Variants in STK31 observed in about 807,000 individuals in gnomAD.
STK31 encodes the protein serine/threonine kinase 31.
STK31 carries 89 observed loss-of-function variants against 129.7 expected under a neutral mutation model. The observed-to-expected ratio is 0.69, with a 90% CI of 0.58 to 0.82. The LOEUF (loss-of-function observed/expected upper bound fraction) is 0.82. Ranked by LOEUF, STK31 falls within the 40% of genes least tolerant of loss-of-function variation. The pLI, the probability that STK31 is intolerant of heterozygous loss-of-function variation, is 0.00. For synonymous variants in STK31, 448 were observed against 395.3 expected, an observed-to-expected ratio of 1.13 and a Z score of -1.58; for missense variants, 1,187 against 1,176.4, an observed-to-expected ratio of 1.01 and a Z score of -0.13.
chr7:23,826,577 T>G (rs1794166581), intron 23 of STK31, among the ~76,000 whole-genome samples: 1 of 152,214 alleles, frequency 6.6e-6, no homozygotes, highest in Admixed American at 6.5e-5. Context: ...GCCTTTTAAT[T>G]GAAGCATTTA....
At chr7:23,759,971 GC>G (rs1417955741) in intron 10 of STK31, among the ~76,000 whole-genome samples, 2 of 152,136 alleles carry the variant, frequency 1.3e-5, no homozygotes, top group East Asian at 3.8e-4. Flanking sequence ...TGTGTTTTAT[GC>G]ATGTAAGACT....
chr7:23,733,539 T>G (rs1455088699), intron 6 of STK31, among the ~76,000 whole-genome samples: 1 of 152,024 alleles, frequency 6.6e-6, no homozygotes, highest in Non-Finnish European at 1.5e-5. Flanking sequence ...CTGGGTGCGG[T>G]GTCTCACGCC....
chr7:23,812,347 CTG>C (rs1793188337), intron 22 of STK31, among the ~76,000 whole-genome samples: 1 of 145,940 alleles, frequency 6.9e-6, no homozygotes, highest in African/African-American at 2.5e-5. Context: ...TTTTATTTCT[CTG>C]TGGTTGCTTT....
intron 10 of STK31, among the ~76,000 whole-genome samples, chr7:23,756,469 A>G (rs1789091625): frequency 1.3e-5 from 2 of 152,092 alleles, no homozygotes; most frequent in African/African-American, 2.4e-5. Flanking sequence ...CTCTCTTCCT[A>G]TTTGAATACC....
chr7:23,750,275 A>G (rs982769355), intron 8 of STK31, among the ~76,000 whole-genome samples: 3 of 152,052 alleles, frequency 2.0e-5, no homozygotes, highest in Admixed American at 2.0e-4. Flanking sequence ...AGGTTTTCCT[A>G]TCTAGGCACT....
chr7:23,725,969 G>T (rs2128070890), intron 4 of STK31: 1 of 152,292 alleles, frequency 6.6e-6, no homozygotes, highest in African/African-American at 2.4e-5. Flanking sequence ...GGAGGAAGAG[G>T]TGCCAGGCTC....
At position 23,732,179 on chromosome 7, in the gene STK31, C is replaced by T. The variant is rs567185630; in HGVS notation, c.483+2930C>T. On this transcript the variant is annotated intron_variant, in intron 6 of 23. Transcript: ENST00000355870. ...CAAAAAAATTAGCTGGGCATGGTGG[C>T]GCATGCCTGTAGTCCCCGCTACTCA... Among the ~76,000 whole-genome samples, 9 of 151,644 alleles carry T rather than the reference C, an allele frequency of 5.9e-5. No homozygotes were observed. The South Asian group carries it at 1.0e-3, about 18-fold the overall frequency.
chr7:23,777,341 A>C (rs1285189009), intron 15 of STK31, among the ~76,000 whole-genome samples: 1 of 152,088 alleles, frequency 6.6e-6, no homozygotes, highest in Non-Finnish European at 1.5e-5. Flanking sequence ...TATTAGGTCC[A>C]CTTGGTCCAG....
At chr7:23,817,880 T>A (rs1584495722) in intron 23 of STK31, among the ~76,000 whole-genome samples, 1 of 152,050 alleles carries the variant, frequency 6.6e-6, no homozygotes. Context: ...TCTTCTCTCT[T>A]TTTTTTCTTC....
chr7:23,747,393 G>A (rs896256092), intron 8 of STK31, among the ~76,000 whole-genome samples: 4 of 151,482 alleles, frequency 2.6e-5, no homozygotes, highest in Admixed American at 6.6e-5. Context: ...TTTTGGAGAC[G>A]GAGTCTCACT....
chr7:23,730,889 T>A (rs1257195437), intron 6 of STK31, among the ~76,000 whole-genome samples: 1 of 128,202 alleles, frequency 7.8e-6, no homozygotes, highest in African/African-American at 2.8e-5. Context: ...TTTTTTTTTT[T>A]TTTTTTTGGT....
intron 15 of STK31, among the ~76,000 whole-genome samples, chr7:23,776,421 G>C (rs1045456382): frequency 1.2e-4 from 19 of 152,208 alleles, no homozygotes; most frequent in African/African-American, 4.6e-4. Flanking sequence ...GCTCTTCTTT[G>C]TACCTCTGGT....
At chr7:23,711,017 A>T (rs1584305610) in intron 1 of STK31, among the ~76,000 whole-genome samples, 2 of 152,200 alleles carry the variant, frequency 1.3e-5, no homozygotes, top group African/African-American at 4.8e-5. Context: ...AAATTTTTTT[A>T]AAAAATTAAG....
At chr7:23,811,828 T>G (rs1793154203) in intron 22 of STK31, among the ~76,000 whole-genome samples, 1 of 152,224 alleles carries the variant, frequency 6.6e-6, no homozygotes, top group South Asian at 2.1e-4. Flanking sequence ...GCTTATTACA[T>G]TCTAGTGATG....
chr7:23,808,943 T>TTA (rs71552258), intron 22 of STK31, among the ~76,000 whole-genome samples: 848 of 84,428 alleles, frequency 0.01, 5 homozygotes, highest in East Asian at 0.02. Flanking sequence ...CTTGGAGCTT[T>TTA]TGTGTGTGTG....
At chr7:23,721,910 T>G in intron 4 of STK31, 1 of 378,908 alleles carries the variant, frequency 2.6e-6, no homozygotes, top group South Asian at 2.3e-5. Flanking sequence ...TCTCGTGCCA[T>G]GGTTCTCAGC....
chr7:23,776,367 C>G (rs1245085134), intron 15 of STK31, among the ~76,000 whole-genome samples: 1 of 152,126 alleles, frequency 6.6e-6, no homozygotes, highest in Non-Finnish European at 1.5e-5. Context: ...GGAGGATTCC[C>G]TCTTTTTCTG....
chr7:23,783,235 G>GA (rs1562598423), intron 16 of STK31, among the ~76,000 whole-genome samples: 1 of 152,208 alleles, frequency 6.6e-6, no homozygotes, highest in Non-Finnish European at 1.5e-5. Flanking sequence ...GTAAGTGGTT[G>GA]AAGTATGGCG....
At chr7:23,755,713 C>T (rs1396100624) in intron 10 of STK31, among the ~76,000 whole-genome samples, 4 of 152,204 alleles carry the variant, frequency 2.6e-5, no homozygotes, top group South Asian at 2.1e-4. Context: ...CAGTTTTCTG[C>T]ATATGTCTAG....
Sources: allele counts gnomAD v4.1 joint callset (sites outside exome capture counted in the v4.1 genomes callset), GRCh38; gene constraint gnomAD v4.1.1; transcripts MANE v1.5; gene names NCBI Gene and HGNC (gene_info 2026-07-23, HGNC 2026-07-21).